PCDHB1: variants seen among roughly 807,000 people sequenced by gnomAD.
PCDHB1 encodes protocadherin beta 1.
Under a neutral mutation model 43.5 loss-of-function variants are expected in PCDHB1, and 44 were observed. The ratio of observed to expected loss-of-function variants is 1.01; its 90% CI spans 0.79 to 1.30. The LOEUF (loss-of-function observed/expected upper bound fraction) is 1.30, where lower values mean the gene tolerates loss of function less well. PCDHB1 is among the 50% of genes most tolerant of loss of function. PCDHB1 has a pLI of 0.00. For missense variants in PCDHB1, 919 were observed against 1,008.9 expected (o/e 0.91, Z 1.21); for synonymous variants, 392 against 400.8 (o/e 0.98, Z 0.26).
Position 141,054,042 on chromosome 5 carries a change from T to C in PCDHB1, c.*115T>C. ...TAGTAGATTGCAGCTTTAGTAAAGA[T>C]AAGAGTACTTAGTTTGGTGAAAATG... On this transcript the variant is annotated 3_prime_UTR_variant, in exon 1 of 1. Coordinates refer to ENST00000306549, the MANE Select transcript of PCDHB1 (RefSeq NM_013340.4). The C allele has an allele frequency of 1.2e-6, 1 of 837,350 alleles. No homozygotes were observed. 51.9% of individuals were successfully genotyped at this position (837,350 alleles called of 1,614,324 possible). A position where few individuals can be genotyped will look rare whatever the true frequency, so the allele number is the denominator to read the frequency against.
chr5:141,052,096 A>G lies in PCDHB1; in HGVS notation c.626A>G (p.Asn209Ser). The G allele has an allele frequency of 6.2e-7, 1 of 1,614,080 alleles. No individual in the cohort carries two copies. The change falls in exon 1 of 1, where the codon AAC (asparagine) becomes AGC (serine). Residue 209 changes from asparagine (N) to serine (S), a missense_variant. Coordinates refer to ENST00000306549, the MANE Select transcript of PCDHB1 (RefSeq NM_013340.4). ...GACCGAGAGGAGCAGCCTGAAGTCA[A>G]CTTGACAATTACGGCGGTGGACGGC... Reference protein sequence around the residue: ...PLDREEQPEVNLTITAVDGGS... With the variant: ...PLDREEQPEVSLTITAVDGGS...
In PCDHB1 at chr5:141,057,652, T is replaced by A. The variant is rs556919293; in HGVS notation, c.*3725T>A. 1.3e-5 allele frequency: 2 copies of A among 151,626 alleles called. No homozygotes were observed. Among genetic ancestry groups the A allele is most frequent in the Non-Finnish European group, 2.9e-5 (2 of 67,854 alleles). 9.4% of individuals were successfully genotyped at this position (151,626 alleles called of 1,614,324 possible). A position where few individuals can be genotyped will look rare whatever the true frequency, so the allele number is the denominator to read the frequency against. ...AAAAATGTATCGATTTAATAAAAAATTATTTTGCCACCATTTTTCTTATTT... is the reference window on the plus strand; with the variant it reads ...AAAAATGTATCGATTTAATAAAAAAATATTTTGCCACCATTTTTCTTATTT... On this transcript the variant is annotated 3_prime_UTR_variant, in exon 1 of 1. Coordinates refer to ENST00000306549, the MANE Select transcript of PCDHB1 (RefSeq NM_013340.4).
rs1751177743 is a variant in PCDHB1 at position 141,058,515 on chromosome 5, T to C, written c.*4588T>C. ...TTCTTTTATTGTGGTAAAGAACTTA[T>C]AAAATGTACCATGTTAGCCATTTTT... On this transcript the variant is annotated 3_prime_UTR_variant, in exon 1 of 1. Coordinates refer to ENST00000306549, the MANE Select transcript of PCDHB1 (RefSeq NM_013340.4). The C allele has an allele frequency of 6.6e-6, 1 of 152,208 alleles. No individual in the cohort carries two copies. Among genetic ancestry groups the C allele is most frequent in the Non-Finnish European group, 1.5e-5 (1 of 68,028 alleles). 9.4% of individuals were successfully genotyped at this position (152,208 alleles called of 1,614,324 possible).
rs551935640 is a variant in PCDHB1, at chr5:141,052,552, C to G, written c.1082C>G (p.Pro361Arg). The G allele has an allele frequency of 1.2e-6, 2 of 1,614,156 alleles. No individual in the cohort carries two copies. Among genetic ancestry groups the G allele is most frequent in the South Asian group, 1.1e-5 (1 of 91,082 alleles). Residue 361 changes from proline to arginine, a missense_variant, in exon 1 of 1, where the codon CCA becomes CGA. By Grantham distance (103) the Pro-to-Arg change is moderately radical (BLOSUM62 -2). Coordinates refer to ENST00000306549, the MANE Select transcript of PCDHB1 (RefSeq NM_013340.4). Reference protein sequence around the residue: ...SVSSPLPEDSPPQTVVALFTI... With the variant: ...SVSSPLPEDSRPQTVVALFTI... ...TCCAGCCCACTCCCTGAAGACTCAC[C>G]ACCACAGACAGTAGTAGCCCTTTTC...
In PCDHB1 at chr5:141,051,697, G is replaced by A. The variant is rs369488156; in HGVS notation, c.227G>A (p.Arg76Gln). ...TCCGAGGGCAACAAAATGCATTTCC[G>A]GCTCCACCGCAAGACGGGAGATTTG... ...LVSEGNKMHFRLHRKTGDLFV... is the reference protein window; with the variant it reads ...LVSEGNKMHFQLHRKTGDLFV... Residue 76 changes from arginine (R) to glutamine (Q), a missense_variant, in exon 1 of 1, where the codon CGG (arginine) becomes CAG (glutamine). Arg to Gln is a conservative substitution (Grantham distance 43). Coordinates refer to ENST00000306549, the MANE Select transcript of PCDHB1 (RefSeq NM_013340.4). 8.7e-6 allele frequency: 14 copies of A among 1,614,094 alleles called. No homozygotes were observed. Among genetic ancestry groups the A allele is most frequent in the Admixed American group, 1.7e-5 (1 of 59,998 alleles).
Position 141,053,138 on chromosome 5 carries a change from T to A in PCDHB1, c.1668T>A (p.Asn556Lys), listed in dbSNP as rs1554267390. The change falls in exon 1 of 1, where the codon AAT becomes AAA. Residue 556 changes from asparagine to lysine, a missense_variant. Coordinates refer to ENST00000306549, the MANE Select transcript of PCDHB1 (RefSeq NM_013340.4). ...VTVRVVVLDD[N>K]DNRPMILYPL... ...TCAGAGTGGTTGTCCTAGATGACAATGACAATCGTCCAATGATCTTATACC... is the reference window on the plus strand; with the variant it reads ...TCAGAGTGGTTGTCCTAGATGACAAAGACAATCGTCCAATGATCTTATACC... 6.2e-7 allele frequency: 1 copy of A among 1,614,168 alleles called. No individual in the cohort carries two copies. The highest frequency in any genetic ancestry group is 8.5e-7 in the Non-Finnish European group (1 of 1,180,016).
Position 141,052,018 on chromosome 5 carries a change from G to T in PCDHB1, c.548G>T (p.Arg183Leu). 1 of 1,614,104 alleles carries T rather than the reference G, an allele frequency of 6.2e-7. No homozygotes were observed. The highest frequency in any genetic ancestry group is 8.5e-7 in the Non-Finnish European group (1 of 1,180,026). ...AATGGGTATTTCCACCTGCACACCCGCTTCTGCAGCCACGGGCCTAAATAT... is the reference window on the plus strand; with the variant it reads ...AATGGGTATTTCCACCTGCACACCCTCTTCTGCAGCCACGGGCCTAAATAT... The part of the protein sequence containing the change: ...SANGYFHLHT[R>L]FCSHGPKYAE... The change falls in exon 1 of 1, where the codon CGC becomes CTC. Residue 183 changes from arginine to leucine, a missense_variant. By Grantham distance (102) the Arg-to-Leu change is moderately radical. Transcript: ENST00000306549.
Position 141,051,852 on chromosome 5 carries a change from G to A in PCDHB1, c.382G>A (p.Asp128Asn), listed in dbSNP as rs1750981409. 1.2e-6 allele frequency: 2 copies of A among 1,614,068 alleles called. No homozygotes were observed. Among genetic ancestry groups the A allele is most frequent in the Non-Finnish European group, 1.7e-6 (2 of 1,180,036 alleles). The change falls in exon 1 of 1, where the codon GAC (aspartate) becomes AAC (asparagine). Residue 128 changes from aspartate (D) to asparagine (N), a missense_variant. Transcript: ENST00000306549. ...CGAGGTCAGGGTATTTGATATCAAT[G>A]ACAATGCCCCAGTTTTCCTAAACAA... ...RAEVRVFDINDNAPVFLNKEP... is the reference protein window; with the variant it reads ...RAEVRVFDINNNAPVFLNKEP...
In PCDHB1 at chr5:141,053,234, C is replaced by A. The variant is rs1554267422; in HGVS notation, c.1764C>A (p.Thr588=). The change falls in exon 1 of 1, where the codon ACC becomes ACA. Residue 588 remains threonine (T), a synonymous_variant. Coordinates refer to ENST00000306549, the MANE Select transcript of PCDHB1 (RefSeq NM_013340.4). ...PRSAEAGYLV[T]KVVAVDGDSG... is the part of the protein sequence containing the mutation. ...CTGCAGAGGCAGGCTACCTAGTGAC[C>A]AAAGTGGTGGCTGTGGATGGTGACT... 6.2e-7 allele frequency: 1 copy of A among 1,614,142 alleles called. No individual in the cohort carries two copies. The highest frequency in any genetic ancestry group is 8.5e-7 in the Non-Finnish European group (1 of 1,180,028).
At position 141,053,980 on chromosome 5, in the gene PCDHB1, T is replaced by C; in HGVS notation, c.*53T>C. On this transcript the variant is annotated 3_prime_UTR_variant, in exon 1 of 1. Coordinates refer to ENST00000306549, the MANE Select transcript of PCDHB1 (RefSeq NM_013340.4). The stretch of plus-strand genomic sequence containing the variant: ...GAGAAGCAAAATTTTATACTTGGTA[T>C]GCAAAGATGTTACATCCTCATTAAA... The C allele has an allele frequency of 1.4e-6, 2 of 1,466,406 alleles. No individual in the cohort carries two copies. Among genetic ancestry groups the C allele is most frequent in the African/African-American group, 1.4e-5 (1 of 70,726 alleles). The allele number at this position is 1,466,406 out of a possible 1,614,324, so 90.8% of individuals were successfully genotyped here.
Position 141,057,317 on chromosome 5 carries a change from A to T in PCDHB1, c.*3390A>T, listed in dbSNP as rs1264036071. Reference sequence around the variant, plus strand: ...CCAGTACTTTGGGAGGCTGAGGCAGATGGATCACAAGGTCAAGAGATGGAG... The same window carrying T: ...CCAGTACTTTGGGAGGCTGAGGCAGTTGGATCACAAGGTCAAGAGATGGAG... On this transcript the variant is annotated 3_prime_UTR_variant, in exon 1 of 1. Transcript: ENST00000306549. The T allele has an allele frequency of 6.6e-6, 1 of 152,018 alleles. No homozygotes were observed. The highest frequency in any genetic ancestry group is 2.4e-5 in the African/African-American group (1 of 41,408). 9.4% of individuals were successfully genotyped at this position (152,018 alleles called of 1,614,324 possible).
chr5:141,054,571 G>A lies in PCDHB1; in HGVS notation c.*644G>A, dbSNP rs1246255749. ...TCTTCACAAATAATCATGGTGGGAG[G>A]AAGGGTGGAGAAAGAAAAGGATTTC... On this transcript the variant is annotated 3_prime_UTR_variant, in exon 1 of 1. Coordinates refer to ENST00000306549, the MANE Select transcript of PCDHB1 (RefSeq NM_013340.4). The A allele has an allele frequency of 6.6e-6, 1 of 152,072 alleles. No individual in the cohort carries two copies. Among genetic ancestry groups the A allele is most frequent in the African/African-American group, 2.4e-5 (1 of 41,378 alleles). 9.4% of individuals were successfully genotyped at this position (152,072 alleles called of 1,614,324 possible).
At position 141,052,729 on chromosome 5, in the gene PCDHB1, T is replaced by G. The variant is rs907223985; in HGVS notation, c.1259T>G (p.Ile420Ser). ...LDREEVSGYN[I>S]TIVAMDTGPP... ...CGGGAGGAGGTCTCAGGCTATAATA[T>G]CACCATTGTTGCCATGGATACTGGA... Residue 420 changes from isoleucine to serine, a missense_variant, in exon 1 of 1, where the codon ATC (isoleucine) becomes AGC (serine). Coordinates refer to ENST00000306549, the MANE Select transcript of PCDHB1 (RefSeq NM_013340.4). 5 of 1,614,004 alleles carry G rather than the reference T, an allele frequency of 3.1e-6. No homozygotes were observed. Among genetic ancestry groups the G allele is most frequent in the African/African-American group, 2.7e-5 (2 of 74,918 alleles).
rs1751104965 is a variant in PCDHB1, at chr5:141,055,072, G to T, written c.*1145G>T. ...CTTTTATATCCAGATGTCTATCCTTGCAGTCCCAGAGAAAATCTATTTGAA... is the reference window on the plus strand; with the variant it reads ...CTTTTATATCCAGATGTCTATCCTTTCAGTCCCAGAGAAAATCTATTTGAA... On this transcript the variant is annotated 3_prime_UTR_variant, in exon 1 of 1. Coordinates refer to ENST00000306549, the MANE Select transcript of PCDHB1 (RefSeq NM_013340.4). 1 of 152,032 alleles carries T rather than the reference G, an allele frequency of 6.6e-6. No individual in the cohort carries two copies. Among genetic ancestry groups the T allele is most frequent in the Non-Finnish European group, 1.5e-5 (1 of 68,044 alleles). 9.4% of individuals were successfully genotyped at this position (152,032 alleles called of 1,614,324 possible).
chr5:141,056,071 A>T lies in PCDHB1; in HGVS notation c.*2144A>T, dbSNP rs1429528710. The stretch of plus-strand genomic sequence containing the variant: ...AAGAGTGAAACCTCATCTCAAAAAA[A>T]AAAAAAGTGTGCTTTAATGAGGCTT... On this transcript the variant is annotated 3_prime_UTR_variant, in exon 1 of 1. Transcript: ENST00000306549. 6.6e-6 allele frequency: 1 copy of T among 152,202 alleles called. No individual in the cohort carries two copies. The highest frequency in any genetic ancestry group is 1.9e-4 in the East Asian group (1 of 5,200). 9.4% of individuals were successfully genotyped at this position (152,202 alleles called of 1,614,324 possible).
At position 141,059,299 on chromosome 5, in the gene PCDHB1, G is replaced by C. The variant is rs988404642; in HGVS notation, c.*5372G>C. On this transcript the variant is annotated 3_prime_UTR_variant, in exon 1 of 1. Transcript: ENST00000306549. The stretch of plus-strand genomic sequence containing the variant: ...GATATACAAAAAATGGAATTGGTCT[G>C]TCTGATATTATGTAATTCTCCTAAA... 1 of 152,104 alleles carries C rather than the reference G, an allele frequency of 6.6e-6. No homozygotes were observed. The highest frequency in any genetic ancestry group is 1.5e-5 in the Non-Finnish European group (1 of 68,000). 9.4% of individuals were successfully genotyped at this position (152,104 alleles called of 1,614,324 possible).
Position 141,051,872 on chromosome 5 carries a change from A to G in PCDHB1, c.402A>G (p.Leu134=). Residue 134 remains leucine, a synonymous_variant, in exon 1 of 1, where the codon CTA becomes CTG. Coordinates refer to ENST00000306549, the MANE Select transcript of PCDHB1 (RefSeq NM_013340.4). ...TCAATGACAATGCCCCAGTTTTCCT[A>G]AACAAGGAGCCGCTTTTAAAGATTC... The part of the protein sequence containing the change: ...FDINDNAPVF[L]NKEPLLKIPE... The G allele has an allele frequency of 1.2e-6, 2 of 1,614,094 alleles. No individual in the cohort carries two copies. Among genetic ancestry groups the G allele is most frequent in the Non-Finnish European group, 1.7e-6 (2 of 1,179,998 alleles).
At position 141,052,958 on chromosome 5, in the gene PCDHB1, C is replaced by T. The variant is rs781931412; in HGVS notation, c.1488C>T (p.Asn496=). ...QITYSLLPPK[N]GDLSVFAYIS... is the part of the protein sequence containing the mutation. Reference sequence around the variant, plus strand: ...CATATTCTCTGTTGCCTCCAAAAAACGGAGATCTTTCAGTCTTTGCTTACA... The same window carrying T: ...CATATTCTCTGTTGCCTCCAAAAAATGGAGATCTTTCAGTCTTTGCTTACA... Residue 496 remains asparagine (N), a synonymous_variant, in exon 1 of 1, where the codon AAC becomes AAT. Transcript: ENST00000306549. 8.7e-6 allele frequency: 14 copies of T among 1,614,038 alleles called. No homozygotes were observed. Among genetic ancestry groups the T allele is most frequent in the Admixed American group, 3.3e-5 (2 of 59,996 alleles).
Position 141,052,154 on chromosome 5 carries a change from C to T in PCDHB1, c.684C>T (p.Ile228=). 6.2e-7 allele frequency: 1 copy of T among 1,613,732 alleles called. No individual in the cohort carries two copies. Among genetic ancestry groups the T allele is most frequent in the Non-Finnish European group, 8.5e-7 (1 of 1,179,828 alleles). Residue 228 remains isoleucine (I), a synonymous_variant, in exon 1 of 1, where the codon ATC becomes ATT. Coordinates refer to ENST00000306549, the MANE Select transcript of PCDHB1 (RefSeq NM_013340.4). ...GSPPKSGTAH[I]HVVVLDVNDH... ...CGCCTAAGTCTGGCACAGCTCACATCCACGTGGTGGTTCTGGATGTCAACG... is the reference window on the plus strand; with the variant it reads ...CGCCTAAGTCTGGCACAGCTCACATTCACGTGGTGGTTCTGGATGTCAACG...
Sources: allele counts gnomAD v4.1 joint callset, GRCh38; gene constraint gnomAD v4.1.1; transcripts MANE v1.5; gene names NCBI Gene and HGNC (gene_info 2026-07-23, HGNC 2026-07-21).